The following CHRNA9 variants were observed in gnomAD, a reference collection of about 807,000 sequenced individuals.
The protein encoded by CHRNA9 is neuronal acetylcholine receptor subunit alpha-9.
A neutral mutation model predicts 36.8 loss-of-function variants in CHRNA9; 24 were observed. The ratio of observed to expected loss-of-function variants is 0.65; its 90% confidence interval spans 0.47 to 0.92. The LOEUF (loss-of-function observed/expected upper bound fraction) is 0.92. CHRNA9 is among the 40% of genes least tolerant of loss of function. The pLI is 0.00. For missense variants in CHRNA9, 610 were observed against 601.2 expected, an observed-to-expected ratio of 1.01 and a Z score of -0.15; for synonymous variants, 231 against 231.8, an observed-to-expected ratio of 1.00 and a Z score of 0.03.
rs1314677282 is a variant in CHRNA9, at chr4:40,353,878, C to T, written c.899-101C>T. ...ACACAACAGCAAAATCACCTAATGACTAATACCTTTCTCAGAATGTATCCC... is the reference window on the plus strand; with the variant it reads ...ACACAACAGCAAAATCACCTAATGATTAATACCTTTCTCAGAATGTATCCC... On this transcript the variant is annotated intron_variant, in intron 4 of 4. Coordinates refer to ENST00000310169, the MANE Select transcript of CHRNA9 (RefSeq NM_017581.4). The T allele has an allele frequency of 8.2e-6, 9 of 1,096,610 alleles. 1 individual carries two copies. The highest frequency in any genetic ancestry group is 3.0e-5 in the South Asian group (2 of 66,962). The allele number at this position is 1,096,610 out of a possible 1,614,324, so 67.9% of individuals were successfully genotyped here.
chr4:40,348,062 A>G (rs1319050400), intron 3 of CHRNA9: 1 of 152,240 alleles, frequency 6.6e-6, no homozygotes, highest in Non-Finnish European at 1.5e-5. Flanking sequence ...GGCAGGAGGG[A>G]CTGTCTGTTT....
Position 40,349,098 on chromosome 4 carries a change from C to T in CHRNA9, c.582C>T (p.Leu194=). 1 of 1,614,168 alleles carries T rather than the reference C, an allele frequency of 6.2e-7. No individual in the cohort carries two copies. The change falls in exon 4 of 5, where the codon CTC becomes CTT. Residue 194 remains leucine, a synonymous_variant. Transcript: ENST00000310169. The part of the protein sequence containing the change: ...DIFNALDSGD[L]SDFIEDVEWE... ...TCAACGCCTTGGACAGCGGAGATCT[C>T]TCTGACTTCATTGAAGATGTGGAAT...
intron 1 of CHRNA9, 102 bp from the exon 2 acceptor site, chr4:40,335,725 C>A: frequency 8.2e-7 from 1 of 1,225,576 alleles, no homozygotes; most frequent in Non-Finnish European, 1.2e-6. Context: ...TGTCCCTCGC[C>A]AGTGTTGGGC....
At chr4:40,349,442 C>T (rs55660233) in intron 4 of CHRNA9, 28 bp downstream of exon 4, 79 of 1,592,528 alleles carry the variant, frequency 5.0e-5, no homozygotes, top group Non-Finnish European at 6.3e-5. Flanking sequence ...CCACTTCAAG[C>T]CCAGCTTTGT....
chr4:40,339,369 CT>C (rs528345138), intron 3 of CHRNA9, among the ~76,000 whole-genome samples: 35 of 141,496 alleles, frequency 2.5e-4, no homozygotes, highest in Admixed American at 2.8e-4. Flanking sequence ...TCTGTAAGTT[CT>C]TTTTTTTTTA....
rs1214702245 is a variant in CHRNA9 at position 40,349,373 on chromosome 4, T to C, written c.857T>C (p.Val286Ala). 1 of 1,613,988 alleles carries C rather than the reference T, an allele frequency of 6.2e-7. No homozygotes were observed. The highest frequency in any genetic ancestry group is 1.1e-5 in the South Asian group (1 of 91,078). The change falls in exon 4 of 5, where the codon GTG becomes GCG. Residue 286 changes from valine to alanine, a missense_variant. Physicochemically the swap from Val to Ala is moderately conservative, Grantham distance 64 (BLOSUM62 0). Transcript: ENST00000310169. ...GCCATGACTGTATTTCAGCTAATGGTGGCAGAAATCATGCCGGCCTCAGAA... is the reference window on the plus strand; with the variant it reads ...GCCATGACTGTATTTCAGCTAATGGCGGCAGAAATCATGCCGGCCTCAGAA... The part of the protein sequence containing the change: ...LLAMTVFQLM[V>A]AEIMPASENV...
chr4:40,350,242 T>C (rs1712763672), intron 4 of CHRNA9, among the ~76,000 whole-genome samples: 1 of 152,164 alleles, frequency 6.6e-6, no homozygotes, highest in Non-Finnish European at 1.5e-5. Context: ...ATTTAGCAAC[T>C]TGGCCGAGAT....
chr4:40,350,693 TAC>T (rs59972613), intron 4 of CHRNA9, among the ~76,000 whole-genome samples: 8,175 of 143,918 alleles, frequency 0.057, 360 homozygotes, highest in Admixed American at 0.17. Context: ...CTTTGCAAAA[TAC>T]ACACACACAC....
rs370806491 is a variant in CHRNA9, at chr4:40,348,853, G to A, written c.366-29G>A. The A allele has an allele frequency of 2.2e-4, 357 of 1,601,564 alleles. 2 individuals carry two copies. Among genetic ancestry groups the A allele is most frequent in the African/African-American group, 1.3e-3 (95 of 74,702 alleles). On this transcript the variant is annotated intron_variant, in intron 3 of 4. Coordinates refer to ENST00000310169, the MANE Select transcript of CHRNA9 (RefSeq NM_017581.4). ...AAGGTGGCAAGTTCTCCTAGCATGC[G>A]GCTTTCATTTTCCTTATCTGACCTT...
intron 4 of CHRNA9, among the ~76,000 whole-genome samples, chr4:40,351,245 T>C (rs1345358549): frequency 6.6e-6 from 1 of 150,456 alleles, no homozygotes; most frequent in Non-Finnish European, 1.5e-5. Flanking sequence ...GACAGGAGAA[T>C]CACTTGAACC....
chr4:40,346,595 C>T (rs763602043), intron 3 of CHRNA9, among the ~76,000 whole-genome samples: 3 of 152,130 alleles, frequency 2.0e-5, no homozygotes, highest in African/African-American at 7.2e-5. Flanking sequence ...ACATTTCTCA[C>T]GGTTACAGGA....
Position 40,335,810 on chromosome 4 carries a change from T to C in CHRNA9, c.65-17T>C, listed in dbSNP as rs567536994. The C allele has an allele frequency of 2.7e-4, 427 of 1,608,292 alleles. 6 individuals carry two copies. In the South Asian group the frequency reaches 4.6e-3, roughly 17 times the overall value. ...ACAACACTCTGAATGTTAATCCAGA[T>C]CCCTCTTGTTGAGTAGCTGCAGAGA... On this transcript the variant is annotated splice_polypyrimidine_tract_variant and intron_variant, in intron 1 of 4. Transcript: ENST00000310169.
chr4:40,335,795 G>A (rs2109675182), intron 1 of CHRNA9, 32 bp from the exon 2 acceptor site: 2 of 1,600,638 alleles, frequency 1.2e-6, no homozygotes, highest in Non-Finnish European at 1.7e-6. Flanking sequence ...ACAACACTCT[G>A]AATGTTAATC....
At chr4:40,341,836 C>T (rs1408697355) in intron 3 of CHRNA9, among the ~76,000 whole-genome samples, 1 of 152,176 alleles carries the variant, frequency 6.6e-6, no homozygotes, top group Non-Finnish European at 1.5e-5. Context: ...CCATGTGTAA[C>T]AAAGTGATCC....
At chr4:40,348,830 G>T in intron 3 of CHRNA9, 52 bp from the exon 4 acceptor site, 1 of 1,565,600 alleles carries the variant, frequency 6.4e-7, no homozygotes, top group East Asian at 2.3e-5. Flanking sequence ...GGGTAAGGAA[G>T]GTGGCAAGTT....
chr4:40,347,785 A>G (rs1712675260), intron 3 of CHRNA9: 1 of 152,246 alleles, frequency 6.6e-6, no homozygotes, highest in Non-Finnish European at 1.5e-5. Context: ...TTTCTGTTCC[A>G]GGATCCAATC....
At chr4:40,351,708 T>C (rs1205919356) in intron 4 of CHRNA9, among the ~76,000 whole-genome samples, 2 of 152,196 alleles carry the variant, frequency 1.3e-5, no homozygotes, top group Admixed American at 6.5e-5. Flanking sequence ...ATAAACATTA[T>C]CAAATACTTT....
At position 40,354,024 on chromosome 4, in the gene CHRNA9, C is replaced by T. The variant is rs55633891; in HGVS notation, c.944C>T (p.Ala315Val). The change falls in exon 5 of 5, where the codon GCG becomes GTG. Residue 315 changes from alanine (A) to valine (V), a missense_variant. By Grantham distance (64) the Ala-to-Val change is moderately conservative. Transcript: ENST00000310169. ...ATMALITAST[A>V]LTIMVMNIHF... is the part of the protein sequence containing the mutation. Reference sequence around the variant, plus strand: ...ATGGCCCTGATCACAGCCTCCACTGCGTTGACCATCATGGTGATGAATATC... The same window carrying T: ...ATGGCCCTGATCACAGCCTCCACTGTGTTGACCATCATGGTGATGAATATC... 218,900 of 1,613,552 alleles carry T rather than the reference C, an allele frequency of 0.14. 15,217 individuals carry two copies. The highest frequency in any genetic ancestry group is 0.15 in the East Asian group (6,952 of 44,882).
intron 3 of CHRNA9, among the ~76,000 whole-genome samples, chr4:40,343,665 C>T (rs956978971): frequency 3.3e-5 from 5 of 152,270 alleles, no homozygotes; most frequent in African/African-American, 1.2e-4. Context: ...TTAAATATTC[C>T]GTGAGGGTTA....
Sources: gnomAD v4.1 joint callset for allele counts (sites outside exome capture counted in the v4.1 genomes callset) on GRCh38, gnomAD v4.1.1 for gene constraint, MANE v1.5 for transcripts, NCBI Gene and HGNC (gene_info 2026-07-23, HGNC 2026-07-21) for gene names.